CCDC73: variants seen among roughly 807,000 people sequenced by gnomAD.
CCDC73 encodes the protein coiled-coil domain containing 73.
In CCDC73, 95 loss-of-function variants were observed where a neutral mutation model predicts 116.5. That is an observed-to-expected ratio of 0.82 (90% CI 0.69 to 0.97). CCDC73 has a LOEUF of 0.97. Among genes scored for constraint, CCDC73 ranks in the 50% least tolerant of loss-of-function variants. The pLI, the probability that CCDC73 is intolerant of heterozygous loss-of-function variation, is 0.00. For missense variants in CCDC73, 1,066 were observed against 1,206.8 expected (o/e 0.88, Z 1.73); for synonymous variants, 398 against 401.3 (o/e 0.99, Z 0.10).
intron 6 of CCDC73, among the ~76,000 whole-genome samples, chr11:32,688,466 G>A (rs965717345): frequency 2.0e-5 from 3 of 152,138 alleles, no homozygotes; most frequent in African/African-American, 7.2e-5. Flanking sequence ...TACAAACATA[G>A]GATTCTAAAC....
chr11:32,672,705 C>A (rs565504300), intron 9 of CCDC73, among the ~76,000 whole-genome samples: 13 of 152,110 alleles, frequency 8.5e-5, no homozygotes, highest in Admixed American at 5.9e-4. Flanking sequence ...ATAGCTTTTT[C>A]TCTTTATATT....
chr11:32,636,044 T>G (rs1057482451), intron 13 of CCDC73, among the ~76,000 whole-genome samples: 1 of 152,262 alleles, frequency 6.6e-6, no homozygotes, highest in Non-Finnish European at 1.5e-5. Context: ...GAGGTATTAT[T>G]ATGCCCAATT....
rs1565094176 is a variant in CCDC73, at chr11:32,755,641, GTGTATATATA to G, written c.135+4458_135+4467del. ...TGTATATATATATCTCCATATATAT[GTGTATATATA>G]TATCTCCATATATATGTGTATATAT... On this transcript the variant is annotated intron_variant, in intron 2 of 17. Transcript: ENST00000335185. 3.9e-4 allele frequency among the ~76,000 whole-genome samples: 37 copies of G among 94,744 alleles called. 2 individuals are homozygous for G. The highest frequency in any genetic ancestry group is 1.5e-3 in the African/African-American group (35 of 23,740). The allele number at this position is 94,744 out of a possible 152,430, so 62.2% of individuals were successfully genotyped here. A position where few individuals can be genotyped will look rare whatever the true frequency, so the allele number is the denominator to read the frequency against.
intron 2 of CCDC73, among the ~76,000 whole-genome samples, chr11:32,755,576 CATATATATGTGTGTATATATATATCCAT>C (rs1850328128): frequency 1.6e-5 from 1 of 64,198 alleles, no homozygotes; most frequent in African/African-American, 5.6e-5. Context: ...CATATATATC[CATATATATGTGTGTATATATATATCCAT>C]ATATATGTGT....
intron 14 of CCDC73, among the ~76,000 whole-genome samples, chr11:32,632,668 C>A (rs1291600948): frequency 1.3e-5 from 2 of 152,006 alleles, no homozygotes; most frequent in Non-Finnish European, 2.9e-5. Flanking sequence ...ATGTTAAAAT[C>A]TTTCATTATA....
chr11:32,620,112 T>A (rs1007105730), intron 14 of CCDC73, among the ~76,000 whole-genome samples: 1 of 152,158 alleles, frequency 6.6e-6, no homozygotes, highest in African/African-American at 2.4e-5. Context: ...GTTGGCTTGA[T>A]GGTTCTGACT....
chr11:32,712,231 G>C (rs949442211), intron 3 of CCDC73, among the ~76,000 whole-genome samples: 1 of 152,064 alleles, frequency 6.6e-6, no homozygotes, highest in Non-Finnish European at 1.5e-5. Flanking sequence ...TATACAAGTT[G>C]AGAGTAGAAT....
At chr11:32,656,320 C>A in intron 9 of CCDC73, among the ~76,000 whole-genome samples, 1 of 151,892 alleles carries the variant, frequency 6.6e-6, no homozygotes, top group East Asian at 1.9e-4. Context: ...ACCTTCTGAT[C>A]CGCCCGCCTC....
At chr11:32,698,322 C>A (rs560202869) in intron 6 of CCDC73, among the ~76,000 whole-genome samples, 1 of 152,308 alleles carries the variant, frequency 6.6e-6, no homozygotes, top group South Asian at 2.1e-4. Context: ...CCACGCCCAG[C>A]CAACACTGAA....
chr11:32,664,123 A>T, intron 9 of CCDC73, among the ~76,000 whole-genome samples: 1 of 151,992 alleles, frequency 6.6e-6, no homozygotes, highest in East Asian at 1.9e-4. Context: ...TTCATTAGGG[A>T]TATTGGTCTA....
intron 1 of CCDC73, among the ~76,000 whole-genome samples, chr11:32,785,563 AG>A (rs1193704469): frequency 2.6e-5 from 4 of 151,870 alleles, no homozygotes; most frequent in African/African-American, 9.7e-5. Flanking sequence ...CACCATACCC[AG>A]TGAATTTTTT....
chr11:32,704,950 G>A (rs781096977), intron 3 of CCDC73, among the ~76,000 whole-genome samples: 5 of 152,204 alleles, frequency 3.3e-5, no homozygotes, highest in African/African-American at 1.2e-4. Flanking sequence ...AGTTGTCAGT[G>A]TAACCTCATT....
intron 2 of CCDC73, among the ~76,000 whole-genome samples, chr11:32,734,709 A>G (rs537597280): frequency 6.6e-6 from 1 of 152,278 alleles, no homozygotes; most frequent in African/African-American, 2.4e-5. Context: ...TGGCAGAGAC[A>G]CAACAAAAAA....
At chr11:32,748,836 G>A (rs1019470007) in intron 2 of CCDC73, among the ~76,000 whole-genome samples, 4 of 151,994 alleles carry the variant, frequency 2.6e-5, no homozygotes, top group African/African-American at 9.7e-5. Context: ...ACTATTCTAG[G>A]GTAAAACCTT....
chr11:32,762,178 C>T (rs1306534178), intron 1 of CCDC73, among the ~76,000 whole-genome samples: 3 of 152,074 alleles, frequency 2.0e-5, no homozygotes, highest in African/African-American at 7.2e-5. Flanking sequence ...GGAAAATTTC[C>T]ATTACTGAAA....
At position 32,700,771 on chromosome 11, in the gene CCDC73, T is replaced by C. The variant is rs570142316; in HGVS notation, c.315+20A>G. Reference sequence around the variant, plus strand: ...AAATACTTTTTAATAGACAGAAAATTTTAAAAAAATTATAAATACCTTTTC... The same window carrying C: ...AAATACTTTTTAATAGACAGAAAATCTTAAAAAAATTATAAATACCTTTTC... On this transcript the variant is annotated intron_variant, in intron 5 of 17. Transcript: ENST00000335185. 45 of 1,283,168 alleles carry C rather than the reference T, an allele frequency of 3.5e-5. No individual in the cohort carries two copies. In the South Asian group the frequency reaches 6.2e-4, roughly 18 times the overall value. 79.5% of individuals were successfully genotyped at this position (1,283,168 alleles called of 1,614,324 possible). A position where few individuals can be genotyped will look rare whatever the true frequency, so the allele number is the denominator to read the frequency against.
the CCDC73 span, among the ~76,000 whole-genome samples, chr11:32,803,645 T>A: frequency 6.6e-6 from 1 of 152,234 alleles, no homozygotes; most frequent in Non-Finnish European, 1.5e-5. Context: ...TATGCATTAA[T>A]CAATTATCCT....
chr11:32,751,137 G>A (rs1287792505), intron 2 of CCDC73, among the ~76,000 whole-genome samples: 2 of 152,192 alleles, frequency 1.3e-5, no homozygotes, highest in Non-Finnish European at 2.9e-5. Flanking sequence ...ATGGGAGCCT[G>A]ATAACTCTGC....
At position 32,662,588 on chromosome 11, in the gene CCDC73, C is replaced by A. The variant is rs185606184; in HGVS notation, c.646-7616G>T. 7.2e-3 allele frequency among the ~76,000 whole-genome samples: 1,086 copies of A among 151,870 alleles called. 16 individuals are homozygous for A. Among genetic ancestry groups the A allele is most frequent in the African/African-American group, 0.025 (1,046 of 41,408 alleles). The stretch of plus-strand genomic sequence containing the variant: ...GTCCTTTGTAGATTCTGGATATTAG[C>A]CCTTTGTCAGATGAGTAGATTGCAA... On this transcript the variant is annotated intron_variant, in intron 9 of 17. Transcript: ENST00000335185.
Sources: gnomAD v4.1 joint callset for allele counts (sites outside exome capture counted in the v4.1 genomes callset) on GRCh38, gnomAD v4.1.1 for gene constraint, MANE v1.5 for transcripts, NCBI Gene and HGNC (gene_info 2026-07-23, HGNC 2026-07-21) for gene names.